The following CNBD1 variants were observed in gnomAD, a reference collection of about 807,000 sequenced individuals.
The protein encoded by CNBD1 is cyclic nucleotide binding domain containing 1, also known as cyclic nucleotide-binding domain-containing protein 1.
A neutral mutation model predicts 54.4 loss-of-function variants in CNBD1; 71 were observed. The ratio of observed to expected loss-of-function variants is 1.30; its 90% CI spans 1.08 to 1.59. CNBD1 has a LOEUF of 1.59. Ranked by LOEUF, CNBD1 falls within the 40% of genes most tolerant of loss-of-function variation. The pLI is 0.00. For missense variants in CNBD1, 659 were observed against 518.0 expected, an observed-to-expected ratio of 1.27 and a Z score of -2.64; for synonymous variants, 182 against 170.7, an observed-to-expected ratio of 1.07 and a Z score of -0.51.
intron 2 of CNBD1, among the ~76,000 whole-genome samples, chr8:87,398,122 A>G (rs185471093): frequency 5.9e-5 from 9 of 151,572 alleles, no homozygotes; most frequent in Non-Finnish European, 1.2e-4. Flanking sequence ...GCATCTTTAT[A>G]ATATGGCCTG....
chr8:87,335,646 G>C (rs574316149), intron 8 of CNBD1, among the ~76,000 whole-genome samples: 3 of 152,186 alleles, frequency 2.0e-5, no homozygotes, highest in Admixed American at 1.3e-4. Flanking sequence ...AATGGGTCTT[G>C]ACTCTTTATC....
chr8:87,354,867 C>T (rs751181515), intron 10 of CNBD1, among the ~76,000 whole-genome samples: 4 of 152,032 alleles, frequency 2.6e-5, no homozygotes, highest in Admixed American at 1.3e-4. Context: ...CAATAACATA[C>T]GTATGCATTT....
chr8:86,881,363 A>G (rs1415612538), intron 1 of CNBD1, among the ~76,000 whole-genome samples: 1 of 152,158 alleles, frequency 6.6e-6, no homozygotes, highest in African/African-American at 2.4e-5. Flanking sequence ...TAGCATTCCT[A>G]TACGCCAACA....
intron 4 of CNBD1, among the ~76,000 whole-genome samples, chr8:86,988,034 T>C (rs1808648487): frequency 6.6e-6 from 1 of 152,138 alleles, no homozygotes; most frequent in South Asian, 2.1e-4. Flanking sequence ...AAGGAAACTC[T>C]CCTTCATTTT....
intron 6 of CNBD1, among the ~76,000 whole-genome samples, chr8:87,263,594 A>G (rs1808188064): frequency 6.6e-6 from 1 of 152,198 alleles, no homozygotes; most frequent in African/African-American, 2.4e-5. Flanking sequence ...ATAGTATGAC[A>G]TCCAACGAAC....
intron 2 of CNBD1, among the ~76,000 whole-genome samples, chr8:86,896,526 GTTTAA>G (rs1458869922): frequency 6.6e-6 from 1 of 151,898 alleles, no homozygotes; most frequent in Non-Finnish European, 1.5e-5. Flanking sequence ...CACCTTCTTG[GTTTAA>G]TTTATTACTA....
At chr8:87,146,766 A>G (rs1239427574) in intron 4 of CNBD1, among the ~76,000 whole-genome samples, 2 of 152,170 alleles carry the variant, frequency 1.3e-5, no homozygotes, top group South Asian at 4.1e-4. Context: ...TATTATGACT[A>G]CCTTAGTGCA....
At chr8:87,292,254 C>T (rs1207558039) in intron 8 of CNBD1, among the ~76,000 whole-genome samples, 9 of 152,246 alleles carry the variant, frequency 5.9e-5, no homozygotes. Context: ...CTGTCTTAAA[C>T]TCACAATCCT....
intron 2 of CNBD1, among the ~76,000 whole-genome samples, chr8:87,413,911 T>C (rs979607690): frequency 2.0e-5 from 3 of 151,234 alleles, no homozygotes; most frequent in Non-Finnish European, 4.4e-5. Context: ...GGAACACTTT[T>C]ACACTGTTGG....
chr8:87,045,909 C>T (rs1478244083), intron 4 of CNBD1, among the ~76,000 whole-genome samples: 5 of 151,518 alleles, frequency 3.3e-5, no homozygotes, highest in South Asian at 2.1e-4. Flanking sequence ...GCCATGGTGG[C>T]GCACGCCTGT....
At chr8:86,960,698 C>T (rs1807907900) in intron 4 of CNBD1, among the ~76,000 whole-genome samples, 1 of 152,196 alleles carries the variant, frequency 6.6e-6, no homozygotes, top group African/African-American at 2.4e-5. Flanking sequence ...AAGTGGGTCC[C>T]TGATCCCTGA....
intron 8 of CNBD1, among the ~76,000 whole-genome samples, chr8:87,296,083 T>C (rs1171716697): frequency 1.3e-5 from 2 of 152,144 alleles, no homozygotes; most frequent in Non-Finnish European, 2.9e-5. Context: ...CATTCTATAA[T>C]AAGTACATAT....
chr8:87,128,794 C>T (rs1000303015), intron 4 of CNBD1, among the ~76,000 whole-genome samples: 4 of 151,276 alleles, frequency 2.6e-5, no homozygotes, highest in South Asian at 4.2e-4. Context: ...AAGAATTTTG[C>T]TATGTTCAGC....
intron 4 of CNBD1, among the ~76,000 whole-genome samples, chr8:87,026,236 T>A (rs186892054): frequency 2.6e-5 from 4 of 152,270 alleles, no homozygotes; most frequent in African/African-American, 9.6e-5. Flanking sequence ...AGCTACCTTA[T>A]AATCAGTAGA....
chr8:86,906,082 T>C lies in CNBD1; in HGVS notation c.272+888T>C, dbSNP rs1586125426. Among the ~76,000 whole-genome samples the C allele has an allele frequency of 2.6e-5, 4 of 152,338 alleles. 1 individual carries two copies. In the South Asian group the frequency reaches 8.3e-4, roughly 32 times the overall value. On this transcript the variant is annotated intron_variant, in intron 3 of 10. Transcript: ENST00000518476. Reference sequence around the variant, plus strand: ...GACATTTAGCAGAGGGACTGACCTGTAATTGTGAATAGTAGATGTGTGTTG... The same window carrying C: ...GACATTTAGCAGAGGGACTGACCTGCAATTGTGAATAGTAGATGTGTGTTG...
chr8:87,387,339 A>G (rs368780051), downstream of CNBD1, among the ~76,000 whole-genome samples: 2,575 of 151,490 alleles, frequency 0.017, 70 homozygotes, highest in African/African-American at 0.055. Flanking sequence ...AGACCCATCA[A>G]TGTGCTGTAT....
chr8:87,420,787 T>G (rs1319314496), intron 2 of CNBD1, among the ~76,000 whole-genome samples: 3 of 151,388 alleles, frequency 2.0e-5, no homozygotes, highest in Non-Finnish European at 4.4e-5. Flanking sequence ...TTTTTTTTTT[T>G]GACAGTCGTT....
At chr8:87,153,836 T>C (rs1242141567) in intron 4 of CNBD1, among the ~76,000 whole-genome samples, 1 of 152,206 alleles carries the variant, frequency 6.6e-6, no homozygotes, top group East Asian at 1.9e-4. Flanking sequence ...GAACATCTCA[T>C]TTCTTTTTGG....
chr8:86,992,695 G>A (rs1407356895), intron 4 of CNBD1, among the ~76,000 whole-genome samples: 2 of 152,038 alleles, frequency 1.3e-5, no homozygotes, highest in Non-Finnish European at 2.9e-5. Flanking sequence ...CTACTTGTCT[G>A]AGAAGGATTA....
Sources: gnomAD v4.1 joint callset for allele counts (sites outside exome capture counted in the v4.1 genomes callset) on GRCh38, gnomAD v4.1.1 for gene constraint, MANE v1.5 for transcripts, NCBI Gene and HGNC (gene_info 2026-07-23, HGNC 2026-07-21) for gene names.